The following RBFOX1 variants were observed in gnomAD, a reference collection of about 807,000 sequenced individuals.
RBFOX1 encodes RNA binding protein fox-1 homolog 1.
In RBFOX1, 8 loss-of-function variants were observed where a neutral mutation model predicts 57.7. The observed-to-expected ratio is 0.14, with a 90% CI of 0.08 to 0.25. The LOEUF (loss-of-function observed/expected upper bound fraction) is 0.25. Ranked by LOEUF, RBFOX1 falls within the 10% of genes least tolerant of loss-of-function variation. The pLI, the probability that RBFOX1 is intolerant of heterozygous loss-of-function variation, is 1.00. For missense variants in RBFOX1, 611 were observed against 548.5 expected (o/e 1.11, Z -1.14); for synonymous variants, 326 against 222.4 (o/e 1.47, Z -4.15).
intron 11 of RBFOX1, 88 bp downstream of exon 11, chr16:7,630,771 C>A: frequency 6.4e-7 from 1 of 1,560,704 alleles, no homozygotes; most frequent in East Asian, 2.3e-5. Flanking sequence ...CTCCCCCTCC[C>A]TCTGCCCCAC....
chr16:7,532,201 T>TC (rs1413191063), intron 5 of RBFOX1, among the ~76,000 whole-genome samples: 1 of 150,074 alleles, frequency 6.7e-6, no homozygotes, highest in African/African-American at 2.5e-5. Context: ...GTGGGTTTCG[T>TC]CCCCCCTCTT....
chr16:5,306,176 G>C (rs945925568), intron 1 of RBFOX1, among the ~76,000 whole-genome samples: 2 of 152,164 alleles, frequency 1.3e-5, no homozygotes, highest in African/African-American at 4.8e-5. Context: ...ACTCCAGCCT[G>C]GGCGCATAGC....
chr16:5,444,470 G>T (rs747371548), intron 1 of RBFOX1, among the ~76,000 whole-genome samples: 1 of 152,174 alleles, frequency 6.6e-6, no homozygotes. Flanking sequence ...TGGAGGATGT[G>T]GCAGAAACAA....
chr16:6,764,619 C>T (rs776201734), intron 3 of RBFOX1, among the ~76,000 whole-genome samples: 3 of 152,096 alleles, frequency 2.0e-5, no homozygotes, highest in Non-Finnish European at 2.9e-5. Flanking sequence ...GTAAACAAAA[C>T]AATTAGAGAT....
intron 4 of RBFOX1, among the ~76,000 whole-genome samples, chr16:5,914,702 C>T (rs1215183586): frequency 6.6e-6 from 1 of 152,164 alleles, no homozygotes; most frequent in Non-Finnish European, 1.5e-5. Flanking sequence ...TGAGACCATC[C>T]TGGCTAACAT....
At chr16:6,896,994 C>T (rs1009130460) in intron 3 of RBFOX1, among the ~76,000 whole-genome samples, 1 of 152,180 alleles carries the variant, frequency 6.6e-6, no homozygotes, top group Non-Finnish European at 1.5e-5. Flanking sequence ...TCGTGGCTAA[C>T]AGCAGCAGGG....
chr16:7,252,866 C>G (rs190272582), intron 4 of RBFOX1, among the ~76,000 whole-genome samples: 64 of 152,186 alleles, frequency 4.2e-4, no homozygotes, highest in African/African-American at 1.5e-3. Flanking sequence ...CTTTCCCTAA[C>G]TCATATGACC....
chr16:7,460,077 T>A (rs1293706381), intron 4 of RBFOX1, among the ~76,000 whole-genome samples: 1 of 152,040 alleles, frequency 6.6e-6, no homozygotes, highest in East Asian at 1.9e-4. Context: ...GATAATTCAG[T>A]TAATTCATCA....
chr16:6,520,652 G>A (rs1051551752), intron 2 of RBFOX1, among the ~76,000 whole-genome samples: 2 of 152,100 alleles, frequency 1.3e-5, no homozygotes, highest in African/African-American at 2.4e-5. Context: ...CTTTGAAAAG[G>A]GCAGGACCCA....
intron 4 of RBFOX1, among the ~76,000 whole-genome samples, chr16:7,084,940 A>G (rs112552900): frequency 6.6e-6 from 1 of 152,054 alleles, no homozygotes; most frequent in African/African-American, 2.4e-5. Context: ...CCATCCATGC[A>G]TCTATTCATC....
intron 2 of RBFOX1, among the ~76,000 whole-genome samples, chr16:5,559,307 T>A (rs879401658): frequency 1.3e-5 from 2 of 152,136 alleles, no homozygotes; most frequent in Non-Finnish European, 2.9e-5. Flanking sequence ...ATTTATAAAT[T>A]CCATGACGTA....
intron 3 of RBFOX1, among the ~76,000 whole-genome samples, chr16:6,953,601 G>C (rs553655542): frequency 6.6e-6 from 1 of 152,066 alleles, no homozygotes; most frequent in Non-Finnish European, 1.5e-5. Context: ...TGGCCAGCGT[G>C]GTCTGAAACT....
chr16:7,041,155 C>G (rs530356400), intron 3 of RBFOX1, among the ~76,000 whole-genome samples: 1 of 139,872 alleles, frequency 7.1e-6, no homozygotes, highest in Admixed American at 7.9e-5. Flanking sequence ...AGGCTGGTGT[C>G]GAACATCTGA....
At chr16:7,024,309 C>T (rs2040235949) in intron 3 of RBFOX1, among the ~76,000 whole-genome samples, 1 of 152,146 alleles carries the variant, frequency 6.6e-6, no homozygotes, top group African/African-American at 2.4e-5. Context: ...GGTTCTGTGA[C>T]ATTGTGCCAT....
chr16:6,607,381 C>T (rs1280102932), intron 2 of RBFOX1, among the ~76,000 whole-genome samples: 3 of 152,004 alleles, frequency 2.0e-5, no homozygotes, highest in Non-Finnish European at 4.4e-5. Context: ...GACCAATTTC[C>T]AGTTATCATA....
At chr16:7,691,042 G>A (rs1401015415) in intron 14 of RBFOX1, among the ~76,000 whole-genome samples, 1 of 152,116 alleles carries the variant, frequency 6.6e-6, no homozygotes, top group East Asian at 1.9e-4. Flanking sequence ...ATTAATTAAT[G>A]AACTCTATAG....
chr16:5,870,062 A>G (rs1037628725), intron 4 of RBFOX1, among the ~76,000 whole-genome samples: 4 of 151,646 alleles, frequency 2.6e-5, no homozygotes, highest in South Asian at 2.1e-4. Flanking sequence ...TAAGAAAAAT[A>G]TCAGAACAAA....
intron 2 of RBFOX1, among the ~76,000 whole-genome samples, chr16:6,492,234 G>A (rs1021588800): frequency 3.9e-5 from 6 of 152,168 alleles, no homozygotes; most frequent in African/African-American, 1.2e-4. Context: ...TTAGAATGTG[G>A]AATAGTACCT....
At chr16:5,733,124 C>T (rs1270675788) in intron 3 of RBFOX1, among the ~76,000 whole-genome samples, 2 of 152,184 alleles carry the variant, frequency 1.3e-5, no homozygotes, top group Admixed American at 1.3e-4. Flanking sequence ...AAGTCCCCTT[C>T]TGAAATGAAA....
Sources: allele counts gnomAD v4.1 joint callset (sites outside exome capture counted in the v4.1 genomes callset), GRCh38; gene constraint gnomAD v4.1.1; transcripts MANE v1.5; gene names NCBI Gene and HGNC (gene_info 2026-07-23, HGNC 2026-07-21).